RUNX1: variants seen among roughly 807,000 people sequenced by gnomAD.
The protein encoded by RUNX1 is runt-related transcription factor 1.
Under a neutral mutation model 42.8 loss-of-function variants are expected in RUNX1, and 19 were observed. The ratio of observed to expected loss-of-function variants is 0.44; its 90% CI spans 0.31 to 0.65. The LOEUF (loss-of-function observed/expected upper bound fraction) is 0.65. RUNX1 is among the 30% of genes least tolerant of loss of function. The pLI is 0.07. For missense variants in RUNX1, 528 were observed against 672.0 expected, an observed-to-expected ratio of 0.79 and a Z score of 2.37; for synonymous variants, 271 against 289.4, an observed-to-expected ratio of 0.94 and a Z score of 0.64.
chr21:34,859,845 T>C (rs2057546250), intron 5 of RUNX1, among the ~76,000 whole-genome samples: 1 of 152,230 alleles, frequency 6.6e-6, no homozygotes, highest in African/African-American at 2.4e-5. Context: ...TATTTTCTGT[T>C]AAGTCAGGAT....
chr21:35,040,218 GCA>G (rs2059347351), intron 2 of RUNX1, among the ~76,000 whole-genome samples: 2 of 152,204 alleles, frequency 1.3e-5, no homozygotes, highest in South Asian at 4.1e-4. Flanking sequence ...GGGGCTCAGT[GCA>G]CAGAGTTCAA....
chr21:34,974,296 GCA>G (rs1229781872), intron 2 of RUNX1, among the ~76,000 whole-genome samples: 1 of 152,002 alleles, frequency 6.6e-6, no homozygotes, highest in African/African-American at 2.4e-5. Context: ...TGCTCATGGG[GCA>G]GAGTCCATAT....
At position 34,789,905 on chromosome 21, in the gene RUNX1, T is replaced by C. The variant is rs1320237913; in HGVS notation, c.*2230A>G. On this transcript the variant is annotated 3_prime_UTR_variant, in exon 9 of 9. Coordinates refer to ENST00000675419, the MANE Select transcript of RUNX1 (RefSeq NM_001754.5). ...TTTCCTTCATTTTTCTCCAGCATTT[T>C]TGCAGGTCAGACATGGTAACATGTG... The C allele has an allele frequency of 3.0e-5, 7 of 233,140 alleles. No homozygotes were observed. Among genetic ancestry groups the C allele is most frequent in the Non-Finnish European group, 1.7e-5 (2 of 118,054 alleles). 14.4% of individuals were successfully genotyped at this position (233,140 alleles called of 1,614,324 possible). A position where few individuals can be genotyped will look rare whatever the true frequency, so the allele number is the denominator to read the frequency against.
chr21:34,993,622 G>GAC (rs1289356710), intron 2 of RUNX1, among the ~76,000 whole-genome samples: 12 of 46,530 alleles, frequency 2.6e-4, no homozygotes, highest in Admixed American at 5.3e-4. Flanking sequence ...CACACACACA[G>GAC]ACACACACAC....
chr21:34,880,801 A>G, intron 4 of RUNX1, 88 bp from the exon 5 acceptor site: 1 of 1,305,820 alleles, frequency 7.7e-7, no homozygotes, highest in Non-Finnish European at 1.1e-6. Context: ...TTCTAAAATT[A>G]AATGTATATT....
chr21:34,973,167 T>C lies in RUNX1; in HGVS notation c.58+75675A>G, dbSNP rs138107798. Among the ~76,000 whole-genome samples, 17 of 152,344 alleles carry C rather than the reference T, an allele frequency of 1.1e-4. No homozygotes were observed. In the East Asian group the frequency reaches 3.3e-3, roughly 29 times the overall value. On this transcript the variant is annotated intron_variant, in intron 2 of 8. Transcript: ENST00000675419. ...TAGTTTTCAGTCCTGCATGCTTATA[T>C]GGACAAAGGGAGGAGGCAGATGTAG...
In RUNX1 at chr21:34,794,339, G is replaced by A. The variant is rs555136397; in HGVS notation, c.968-1729C>T. On this transcript the variant is annotated intron_variant, in intron 8 of 8. Coordinates refer to ENST00000675419, the MANE Select transcript of RUNX1 (RefSeq NM_001754.5). Reference sequence around the variant, plus strand: ...CATGGCTCAGTAGCAACTGCTGAGCGAATGTCAGGGAATACCATTACCACT... The same window carrying A: ...CATGGCTCAGTAGCAACTGCTGAGCAAATGTCAGGGAATACCATTACCACT... Among the ~76,000 whole-genome samples, 10 of 152,186 alleles carry A rather than the reference G, an allele frequency of 6.6e-5. 1 individual carries two copies. In the East Asian group the frequency reaches 7.7e-4, roughly 12 times the overall value.
rs958784889 is a variant in RUNX1 at position 34,795,327 on chromosome 21, G to A, written c.968-2717C>T. ...TTATTCCAGCAGGGAGAGCTAGTGT[G>A]TTTTCTCTCTCTCTCGCTCGCTCTC... On this transcript the variant is annotated intron_variant, in intron 8 of 8. Transcript: ENST00000675419. Among the ~76,000 whole-genome samples the A allele has an allele frequency of 2.6e-5, 4 of 152,202 alleles. No individual in the cohort carries two copies. In the East Asian group the frequency reaches 7.7e-4, roughly 29 times the overall value.
intron 2 of RUNX1, among the ~76,000 whole-genome samples, chr21:34,993,498 T>TACACACAC (rs71324340): frequency 3.9e-5 from 5 of 128,432 alleles, no homozygotes; most frequent in African/African-American, 1.6e-4. Context: ...TGTTTGTCCC[T>TACACACAC]ACACACACAC....
chr21:34,876,293 C>G (rs1169057261), intron 5 of RUNX1, among the ~76,000 whole-genome samples: 1 of 152,248 alleles, frequency 6.6e-6, no homozygotes, highest in African/African-American at 2.4e-5. Context: ...CTTAATTAGA[C>G]AAACCAGACC....
intron 2 of RUNX1, among the ~76,000 whole-genome samples, chr21:34,920,531 T>C (rs1298217946): frequency 6.6e-6 from 1 of 152,234 alleles, no homozygotes. Flanking sequence ...CTGTATATTT[T>C]ACATACCTGG....
intron 2 of RUNX1, among the ~76,000 whole-genome samples, chr21:34,932,501 A>G: frequency 6.6e-6 from 1 of 152,160 alleles, no homozygotes; most frequent in East Asian, 1.9e-4. Context: ...TAGCTGATTT[A>G]TGATTTTCTT....
intron 7 of RUNX1, among the ~76,000 whole-genome samples, chr21:34,805,222 G>A (rs1014692212): frequency 2.6e-5 from 4 of 152,136 alleles, no homozygotes; most frequent in Admixed American, 2.6e-4. Context: ...GAACATCCAA[G>A]AACTGTGAGA....
intron 7 of RUNX1, among the ~76,000 whole-genome samples, chr21:34,803,026 T>C (rs910577927): frequency 6.6e-6 from 1 of 152,226 alleles, no homozygotes; most frequent in Non-Finnish European, 1.5e-5. Flanking sequence ...AAGGGACTTA[T>C]CTGATGTTCA....
chr21:34,881,297 A>T (rs574371518), intron 4 of RUNX1, among the ~76,000 whole-genome samples: 1 of 152,344 alleles, frequency 6.6e-6, no homozygotes, highest in East Asian at 1.9e-4. Context: ...AAACACAAAA[A>T]AACCCAATTT....
At chr21:34,860,530 C>CGCGTGTGT (rs2057558428) in intron 5 of RUNX1, among the ~76,000 whole-genome samples, 1 of 149,436 alleles carries the variant, frequency 6.7e-6, no homozygotes, top group African/African-American at 2.5e-5. Context: ...TGTGTCTGTG[C>CGCGTGTGT]GTGTGTGTGT....
intron 6 of RUNX1, among the ~76,000 whole-genome samples, chr21:34,847,266 G>C (rs2057330121): frequency 6.6e-6 from 1 of 152,212 alleles, no homozygotes; most frequent in African/African-American, 2.4e-5. Flanking sequence ...TCTAGTTGTA[G>C]GTAGAGAAAA....
At chr21:35,037,267 A>C (rs2059315399) in intron 2 of RUNX1, among the ~76,000 whole-genome samples, 1 of 152,142 alleles carries the variant, frequency 6.6e-6, no homozygotes, top group Non-Finnish European at 1.5e-5. Flanking sequence ...TCTTGGGAAC[A>C]AGTTTGAGCA....
At position 34,791,566 on chromosome 21, in the gene RUNX1, A is replaced by G. The variant is rs573467458; in HGVS notation, c.*569T>C. ...AGAAAGAAGCAAGCTCAATTTATAT[A>G]TATTTATATAAACGTATATAAAAAT... is the stretch of plus-strand genomic sequence containing the variant. On this transcript the variant is annotated 3_prime_UTR_variant, in exon 9 of 9. Coordinates refer to ENST00000675419, the MANE Select transcript of RUNX1 (RefSeq NM_001754.5). 4.4e-6 allele frequency: 1 copy of G among 229,770 alleles called. No individual in the cohort carries two copies. The highest frequency in any genetic ancestry group is 1.8e-4 in the South Asian group (1 of 5,520). The allele number at this position is 229,770 out of a possible 1,614,324, so 14.2% of individuals were successfully genotyped here.
Sources: gnomAD v4.1 joint callset for allele counts (sites outside exome capture counted in the v4.1 genomes callset) on GRCh38, gnomAD v4.1.1 for gene constraint, MANE v1.5 for transcripts, NCBI Gene and HGNC (gene_info 2026-07-23, HGNC 2026-07-21) for gene names.